Variants in NRG1 observed in about 807,000 individuals in gnomAD.
The protein encoded by NRG1 is pro-neuregulin-1, membrane-bound isoform.
A neutral mutation model predicts 63.8 loss-of-function variants in NRG1; 18 were observed. The ratio of observed to expected loss-of-function variants is 0.28; its 90% CI spans 0.19 to 0.42. The LOEUF is 0.42. Ranked by LOEUF, NRG1 falls within the 10% of genes least tolerant of loss-of-function variation. The pLI is 1.00. For missense variants in NRG1, 762 were observed against 814.7 expected, an observed-to-expected ratio of 0.94 and a Z score of 0.79; for synonymous variants, 302 against 301.3, an observed-to-expected ratio of 1.00 and a Z score of -0.02.
chr8:32,197,820 A>G (rs954114500), intron 1 of NRG1, among the ~76,000 whole-genome samples: 4 of 152,176 alleles, frequency 2.6e-5, no homozygotes, highest in African/African-American at 9.7e-5. Context: ...CATATTTTGA[A>G]CTTGCAAAGC....
Position 32,754,484 on chromosome 8 carries a change from C to T in NRG1, c.794+10C>T. 1 of 1,612,516 alleles carries T rather than the reference C, an allele frequency of 6.2e-7. No homozygotes were observed. The highest frequency in any genetic ancestry group is 2.2e-5 in the East Asian group (1 of 44,810). On this transcript the variant is annotated intron_variant, in intron 8 of 11. Coordinates refer to ENST00000356819, the Ensembl canonical transcript of NRG1. ...CCTACTGCAAAACCAAGTAAACCTT[C>T]TTTCTCCATGCCTTTCTCTCTCCTT... is the stretch of plus-strand genomic sequence containing the variant.
chr8:32,330,468 G>C (rs927028289), intron 1 of NRG1, among the ~76,000 whole-genome samples: 5 of 152,164 alleles, frequency 3.3e-5, no homozygotes, highest in Non-Finnish European at 7.3e-5. Context: ...AATGCCTGTG[G>C]GGAAGTGAAG....
At chr8:32,197,833 T>G (rs1247812906) in intron 1 of NRG1, among the ~76,000 whole-genome samples, 1 of 152,172 alleles carries the variant, frequency 6.6e-6, no homozygotes, top group African/African-American at 2.4e-5. Flanking sequence ...TGCAAAGCCT[T>G]CTGATATTTT....
chr8:31,860,329 A>T (rs185044949), intron 1 of NRG1, among the ~76,000 whole-genome samples: 11 of 152,330 alleles, frequency 7.2e-5, no homozygotes, highest in Admixed American at 5.9e-4. Flanking sequence ...AATGCTGAAG[A>T]CATAGTAACA....
chr8:32,266,754 G>A (rs546506198), intron 1 of NRG1, among the ~76,000 whole-genome samples: 2 of 151,968 alleles, frequency 1.3e-5, no homozygotes, highest in East Asian at 3.9e-4. Context: ...ATTCTTTCTG[G>A]GCTGGGTAGG....
intron 1 of NRG1, among the ~76,000 whole-genome samples, chr8:31,738,585 A>G (rs1034903837): frequency 6.6e-6 from 1 of 151,940 alleles, no homozygotes; most frequent in Non-Finnish European, 1.5e-5. Context: ...GTGTGTATGT[A>G]TGCATTTCCT....
At chr8:31,671,089 A>G (rs1411679134) in intron 1 of NRG1, among the ~76,000 whole-genome samples, 1 of 152,192 alleles carries the variant, frequency 6.6e-6, no homozygotes, top group Non-Finnish European at 1.5e-5. Context: ...TAATTCACCT[A>G]GGATTGTGGC....
At chr8:32,207,209 A>G (rs910413153) in intron 1 of NRG1, among the ~76,000 whole-genome samples, 1 of 152,094 alleles carries the variant, frequency 6.6e-6, no homozygotes, top group African/African-American at 2.4e-5. Flanking sequence ...TTTTCAGGTA[A>G]TTTTAAATGT....
chr8:32,665,036 A>G (rs1359226702), intron 5 of NRG1, among the ~76,000 whole-genome samples: 3 of 152,164 alleles, frequency 2.0e-5, no homozygotes, highest in Non-Finnish European at 4.4e-5. Flanking sequence ...ATTAAAATTG[A>G]TAGAATACAG....
chr8:32,269,526 G>T (rs1247926389), intron 1 of NRG1, among the ~76,000 whole-genome samples: 1 of 152,104 alleles, frequency 6.6e-6, no homozygotes, highest in Non-Finnish European at 1.5e-5. Context: ...AGAGCTTCCA[G>T]GTCCATGGGG....
At chr8:32,151,760 G>A (rs1259826967) in intron 1 of NRG1, among the ~76,000 whole-genome samples, 1 of 152,184 alleles carries the variant, frequency 6.6e-6, no homozygotes, top group Non-Finnish European at 1.5e-5. Flanking sequence ...GAGCCAAGCT[G>A]TATTCTCTGG....
At chr8:32,735,275 G>A (rs1824727278) in intron 6 of NRG1, among the ~76,000 whole-genome samples, 2 of 152,082 alleles carry the variant, frequency 1.3e-5, no homozygotes, top group Non-Finnish European at 1.5e-5. Flanking sequence ...CTTGGCTATT[G>A]TGAATAGTGG....
At chr8:32,693,330 T>C (rs1206369196) in intron 5 of NRG1, among the ~76,000 whole-genome samples, 2 of 151,744 alleles carry the variant, frequency 1.3e-5, no homozygotes, top group Non-Finnish European at 2.9e-5. Context: ...GCCATTCTCC[T>C]GCGTCAGCCT....
intron 1 of NRG1, among the ~76,000 whole-genome samples, chr8:31,789,943 T>C (rs146237080): frequency 5.9e-4 from 90 of 152,308 alleles, no homozygotes; most frequent in African/African-American, 2.0e-3. Context: ...TGGCATACTA[T>C]GATCTTTTTT....
At chr8:32,458,697 G>C (rs1178024642) in intron 1 of NRG1, among the ~76,000 whole-genome samples, 1 of 152,164 alleles carries the variant, frequency 6.6e-6, no homozygotes, top group East Asian at 1.9e-4. Flanking sequence ...TCTCCCAGCA[G>C]TTATCTATGT....
chr8:32,356,482 C>CCCCCCCCCG (rs1554517234), intron 1 of NRG1, among the ~76,000 whole-genome samples: 2 of 131,672 alleles, frequency 1.5e-5, no homozygotes, highest in Non-Finnish European at 3.3e-5. Flanking sequence ...GGACCCCCCC[C>CCCCCCCCCG]CCACCCGCCG....
intron 1 of NRG1, among the ~76,000 whole-genome samples, chr8:31,951,947 A>G (rs574908963): frequency 1.3e-5 from 2 of 152,324 alleles, no homozygotes; most frequent in East Asian, 3.9e-4. Flanking sequence ...TTCCACTCAC[A>G]TAGCCCTGGT....
At chr8:32,151,503 A>C (rs949275321) in intron 1 of NRG1, among the ~76,000 whole-genome samples, 1 of 152,166 alleles carries the variant, frequency 6.6e-6, no homozygotes, top group Admixed American at 6.6e-5. Flanking sequence ...GGTTAGGTGT[A>C]GAACAGGGCT....
intron 1 of NRG1, among the ~76,000 whole-genome samples, chr8:31,722,017 C>G (rs1412277349): frequency 6.6e-6 from 1 of 152,090 alleles, no homozygotes; most frequent in Non-Finnish European, 1.5e-5. Context: ...TCTTTCCAAA[C>G]TTTCCTTTCC....
Sources: allele counts gnomAD v4.1 joint callset (sites outside exome capture counted in the v4.1 genomes callset), GRCh38; gene constraint gnomAD v4.1.1; transcripts MANE v1.5; gene names NCBI Gene and HGNC (gene_info 2026-07-23, HGNC 2026-07-21).